Variants in SGCZ observed in about 807,000 individuals in gnomAD.
SGCZ encodes sarcoglycan zeta.
In SGCZ, 40 loss-of-function variants were observed where a neutral mutation model predicts 41.3. The observed-to-expected ratio is 0.97, with a 90% CI of 0.75 to 1.26. SGCZ has a LOEUF of 1.26. Among genes scored for constraint, SGCZ ranks in the 50% most tolerant of loss-of-function variants. SGCZ has a pLI of 0.00. For synonymous variants in SGCZ, 206 were observed against 137.5 expected (o/e 1.50, Z -3.49); for missense variants, 552 against 369.8 (o/e 1.49, Z -4.04).
chr8:14,149,165 A>C (rs1254711593), intron 5 of SGCZ, among the ~76,000 whole-genome samples: 1 of 152,116 alleles, frequency 6.6e-6, no homozygotes, highest in Admixed American at 6.5e-5. Context: ...TATTCACCAT[A>C]GTACTGGAAG....
intron 1 of SGCZ, among the ~76,000 whole-genome samples, chr8:15,136,833 A>G (rs1052964347): frequency 2.0e-5 from 3 of 152,148 alleles, no homozygotes; most frequent in African/African-American, 7.2e-5. Flanking sequence ...TTAGAACGCA[A>G]TAATCCAGTA....
intron 3 of SGCZ, among the ~76,000 whole-genome samples, chr8:14,301,060 A>AATCATCATC (rs58825148): frequency 0.023 from 3,461 of 147,978 alleles, 73 homozygotes; most frequent in Admixed American, 0.045. Flanking sequence ...AACACAAGAA[A>AATCATCATC]ATCATCATCA....
chr8:14,739,268 G>A (rs115192530), intron 1 of SGCZ, among the ~76,000 whole-genome samples: 1,542 of 151,918 alleles, frequency 0.01, 20 homozygotes, highest in African/African-American at 0.036. Context: ...ACAATTAAAA[G>A]GGGAAAAATC....
At chr8:14,937,125 A>C (rs926106408) in intron 1 of SGCZ, among the ~76,000 whole-genome samples, 5 of 151,916 alleles carry the variant, frequency 3.3e-5, no homozygotes, top group Admixed American at 3.3e-4. Flanking sequence ...ATACACTAAT[A>C]AACTTAAACA....
At chr8:14,257,285 T>C (rs887403479) in intron 3 of SGCZ, among the ~76,000 whole-genome samples, 44 of 151,730 alleles carry the variant, frequency 2.9e-4, no homozygotes, top group Non-Finnish European at 5.6e-4. Context: ...GAACCGTGAT[T>C]GTGCCACTCA....
chr8:15,000,782 C>T (rs2130909936), intron 1 of SGCZ, among the ~76,000 whole-genome samples: 1 of 152,302 alleles, frequency 6.6e-6, no homozygotes, highest in East Asian at 1.9e-4. Context: ...CTCCAGCCTG[C>T]CTATAAAATC....
chr8:14,796,181 T>C (rs1237666987), intron 1 of SGCZ, among the ~76,000 whole-genome samples: 1 of 152,230 alleles, frequency 6.6e-6, no homozygotes, highest in African/African-American at 2.4e-5. Context: ...TTCATTTGGG[T>C]ATACACTCAG....
chr8:14,548,981 G>A (rs1169489029), intron 2 of SGCZ, among the ~76,000 whole-genome samples: 1 of 152,070 alleles, frequency 6.6e-6, no homozygotes, highest in Non-Finnish European at 1.5e-5. Flanking sequence ...CCTGTTAAAG[G>A]CCAGATTACT....
chr8:14,103,119 C>G (rs1040046378), intron 6 of SGCZ, among the ~76,000 whole-genome samples: 1 of 151,978 alleles, frequency 6.6e-6, no homozygotes, highest in Non-Finnish European at 1.5e-5. Flanking sequence ...TGAGTGACAT[C>G]AGTCTGTGAA....
chr8:14,534,201 G>C (rs980200354), intron 2 of SGCZ, among the ~76,000 whole-genome samples: 1 of 151,950 alleles, frequency 6.6e-6, no homozygotes, highest in Non-Finnish European at 1.5e-5. Flanking sequence ...GAAGTTATGA[G>C]GTAGCAGGAA....
At chr8:14,498,990 A>T (rs1802071490) in intron 2 of SGCZ, among the ~76,000 whole-genome samples, 1 of 151,788 alleles carries the variant, frequency 6.6e-6, no homozygotes, top group Non-Finnish European at 1.5e-5. Flanking sequence ...TAGAAAATAC[A>T]TGTATTCTCT....
intron 1 of SGCZ, among the ~76,000 whole-genome samples, chr8:14,711,642 G>A (rs1031362776): frequency 4.1e-5 from 6 of 147,376 alleles, no homozygotes; most frequent in African/African-American, 9.9e-5. Flanking sequence ...TCCCTTGTAC[G>A]GAAAAAAATG....
chr8:14,111,223 T>C (rs12682628), intron 5 of SGCZ, among the ~76,000 whole-genome samples: 65,808 of 151,930 alleles, frequency 0.43, 14,770 homozygotes, highest in East Asian at 0.7. Flanking sequence ...TTTTTTAGTA[T>C]AAGTATAGGA....
intron 1 of SGCZ, among the ~76,000 whole-genome samples, chr8:14,738,664 G>A (rs1440688037): frequency 6.6e-6 from 1 of 152,038 alleles, no homozygotes; most frequent in African/African-American, 2.4e-5. Flanking sequence ...TTAATAGACT[G>A]AGAATATTTT....
At chr8:14,881,370 C>T (rs1804581955) in intron 1 of SGCZ, among the ~76,000 whole-genome samples, 1 of 152,002 alleles carries the variant, frequency 6.6e-6, no homozygotes. Context: ...CATTTCGACC[C>T]CCATACACCA....
chr8:14,128,302 A>C (rs1385541053), intron 5 of SGCZ, among the ~76,000 whole-genome samples: 1 of 152,232 alleles, frequency 6.6e-6, no homozygotes, highest in East Asian at 1.9e-4. Context: ...ATGTTGAAAA[A>C]ATGCTAAATG....
In SGCZ at chr8:15,186,049, C is replaced by A. The variant is rs565586210; in HGVS notation, c.39+51536G>T. 2.0e-5 allele frequency among the ~76,000 whole-genome samples: 3 copies of A among 148,956 alleles called. No individual in the cohort carries two copies. In the South Asian group the frequency reaches 6.4e-4, roughly 32 times the overall value. On this transcript the variant is annotated intron_variant, in intron 1 of 7. Coordinates refer to ENST00000382080, the MANE Select transcript of SGCZ (RefSeq NM_139167.4). ...CCATCCTGGCTAACACGGTGAAACC[C>A]CGTCTTTACTAAAAATAAAAAAAAT... is the stretch of plus-strand genomic sequence containing the variant.
At chr8:15,131,813 C>T (rs1164775838) in intron 1 of SGCZ, among the ~76,000 whole-genome samples, 2 of 152,164 alleles carry the variant, frequency 1.3e-5, no homozygotes, top group African/African-American at 4.8e-5. Flanking sequence ...GCTAAAAAAA[C>T]ATCTTGAGAA....
chr8:14,254,207 G>A (rs894136839), intron 3 of SGCZ, among the ~76,000 whole-genome samples: 2 of 152,000 alleles, frequency 1.3e-5, no homozygotes, highest in Admixed American at 6.6e-5. Context: ...GAGTTTACCG[G>A]CAGTTAAGGC....
Sources: allele counts gnomAD v4.1 joint callset (sites outside exome capture counted in the v4.1 genomes callset), GRCh38; gene constraint gnomAD v4.1.1; transcripts MANE v1.5; gene names NCBI Gene and HGNC (gene_info 2026-07-23, HGNC 2026-07-21).